The following SETD5 variants were observed in gnomAD, a reference collection of about 807,000 sequenced individuals.
SETD5 encodes SET domain containing 5.
A neutral mutation model predicts 153.3 loss-of-function variants in SETD5; 44 were observed. That is an observed-to-expected ratio of 0.29 (90% CI 0.23 to 0.37). The LOEUF (loss-of-function observed/expected upper bound fraction) is 0.37. SETD5 is among the 10% of genes least tolerant of loss of function. SETD5 has a pLI of 1.00. For synonymous variants in SETD5, 716 were observed against 645.2 expected (o/e 1.11, Z -1.66); for missense variants, 1,544 against 1,768.0 (o/e 0.87, Z 2.27).
At chr3:9,426,758 G>C (rs1445467916) in intron 2 of SETD5, among the ~76,000 whole-genome samples, 16 of 151,690 alleles carry the variant, frequency 1.1e-4, no homozygotes, top group African/African-American at 3.9e-4. Context: ...GGCTGGTCTC[G>C]AACTCCCAAG....
intron 12 of SETD5, 156 bp from the exon 13 acceptor site, chr3:9,445,501 G>C (rs2041830686): frequency 1.2e-6 from 1 of 862,804 alleles, no homozygotes; most frequent in Admixed American, 2.6e-5. Context: ...CCAGAGAATA[G>C]GGGTTAGTTA....
At position 9,441,614 on chromosome 3, in the gene SETD5, C is replaced by T. The variant is rs777014619; in HGVS notation, c.832C>T (p.Arg278Cys). 5.0e-6 allele frequency: 8 copies of T among 1,613,722 alleles called. No homozygotes were observed. The highest frequency in any genetic ancestry group is 2.2e-5 in the East Asian group (1 of 44,884). Reference sequence around the variant, plus strand: ...TCAGTTACAGCTGGGAAGAGTCACTCGTGTTCAAAAGCACCGGAAGATCCT... The same window carrying T: ...TCAGTTACAGCTGGGAAGAGTCACTTGTGTTCAAAAGCACCGGAAGATCCT... ...QMQLQLGRVT[R>C]VQKHRKILRA... Residue 278 changes from arginine (R) to cysteine (C), a missense_variant, in exon 9 of 23, where the codon CGT (arginine) becomes TGT (cysteine). Arg to Cys is a radical substitution (Grantham distance 180). Around this residue, in one of 9 missense-constraint regions of SETD5, gnomAD observed 30 missense variants for 66.0 expected, o/e 0.45. Coordinates refer to ENST00000402198, the MANE Select transcript of SETD5 (RefSeq NM_001080517.3).
intron 8 of SETD5, among the ~76,000 whole-genome samples, chr3:9,441,352 A>ATT (rs375612987): frequency 3.6e-5 from 5 of 138,156 alleles, no homozygotes; most frequent in African/African-American, 8.0e-5. Context: ...TTAATCATGT[A>ATT]TTTTTTTTTT....
intron 1 of SETD5, among the ~76,000 whole-genome samples, chr3:9,401,309 G>C (rs2034735022): frequency 6.6e-6 from 1 of 152,176 alleles, no homozygotes; most frequent in Admixed American, 6.5e-5. Context: ...AATGTTTGTA[G>C]TTTTTTACTC....
chr3:9,431,594 A>G, intron 3 of SETD5: 1 of 985,736 alleles, frequency 1.0e-6, no homozygotes, highest in Non-Finnish European at 1.2e-6. Context: ...ATGAGTTTAA[A>G]TTTTATATTT....
chr3:9,461,009 A>G (rs187448406), intron 17 of SETD5, among the ~76,000 whole-genome samples: 1 of 152,326 alleles, frequency 6.6e-6, no homozygotes. Context: ...ACTTGTAAAT[A>G]AAATTGAAGG....
intron 3 of SETD5, chr3:9,431,426 T>C: frequency 1.0e-6 from 1 of 965,826 alleles, no homozygotes; most frequent in South Asian, 4.8e-5. Context: ...AGAGATGTAA[T>C]TCCATTATTC....
intron 7 of SETD5, among the ~76,000 whole-genome samples, chr3:9,437,828 C>A (rs984702662): frequency 1.3e-5 from 2 of 151,938 alleles, no homozygotes; most frequent in Non-Finnish European, 2.9e-5. Flanking sequence ...CATGGTGAAA[C>A]CCCATCTCTA....
Position 9,433,324 on chromosome 3 carries a change from T to C in SETD5, c.72-521T>C, listed in dbSNP as rs1295380674. 4 of 1,223,834 alleles carry C rather than the reference T, an allele frequency of 3.3e-6. No homozygotes were observed. In the African/African-American group the frequency reaches 6.2e-5, roughly 19 times the overall value. The allele number at this position is 1,223,834 out of a possible 1,614,324, so 75.8% of individuals were successfully genotyped here. A position where few individuals can be genotyped will look rare whatever the true frequency, so the allele number is the denominator to read the frequency against. On this transcript the variant is annotated intron_variant, in intron 3 of 22. Transcript: ENST00000402198. ...GTTGGGGGTTCATCAAGATGAGAGG[T>C]ATGATAAATATAAGATGCCATTGTT...
rs145218854 is a variant in SETD5 at position 9,441,750 on chromosome 3, G to A, written c.959+9G>A. 152 of 1,613,894 alleles carry A rather than the reference G, an allele frequency of 9.4e-5. No individual in the cohort carries two copies. In the African/African-American group the frequency reaches 1.3e-3, roughly 14 times the overall value. On this transcript the variant is annotated intron_variant, in intron 9 of 22. Transcript: ENST00000402198. ...GGGCATTTCTTCAAAAAGTAAGAAC[G>A]TCATTCATTGAGCAGTGAGGGCTAA...
chr3:9,455,325 C>CG (rs370250840), intron 17 of SETD5, among the ~76,000 whole-genome samples: 358 of 151,730 alleles, frequency 2.4e-3, no homozygotes, highest in Non-Finnish European at 3.9e-3. Context: ...AGGCTAGTCT[C>CG]GAACTCCTGA....
At chr3:9,449,919 C>G (rs1285039326) in intron 16 of SETD5, among the ~76,000 whole-genome samples, 2 of 152,160 alleles carry the variant, frequency 1.3e-5, no homozygotes, top group Non-Finnish European at 2.9e-5. Flanking sequence ...CAAGCCAGGT[C>G]GTACAATCTC....
intron 17 of SETD5, among the ~76,000 whole-genome samples, chr3:9,457,616 CA>C (rs1236411052): frequency 6.7e-6 from 1 of 150,284 alleles, no homozygotes; most frequent in African/African-American, 2.4e-5. Context: ...AAATGAATAC[CA>C]ATTTTTTTTG....
Position 9,447,901 on chromosome 3 carries a change from C to G in SETD5, c.1998C>G (p.Asp666Glu), listed in dbSNP as rs1426757762. Reference sequence around the variant, plus strand: ...CTCCTACTGAAGCTGGAAGTCTAGACAGTTCAGGAGAAAACAGGCCATTAA... The same window carrying G: ...CTCCTACTGAAGCTGGAAGTCTAGAGAGTTCAGGAGAAAACAGGCCATTAA... ...LVTPTEAGSL[D>E]SSGENRPLTG... The change falls in exon 15 of 23, where the codon GAC (aspartate) becomes GAG (glutamate). Residue 666 changes from aspartate (D) to glutamate (E), a missense_variant. This residue lies in a region of SETD5 where 782 missense variants were observed against 787.2 expected (regional missense o/e 0.99). Transcript: ENST00000402198. 6.2e-7 allele frequency: 1 copy of G among 1,613,988 alleles called. No homozygotes were observed. Among genetic ancestry groups the G allele is most frequent in the Admixed American group, 1.7e-5 (1 of 60,026 alleles).
At position 9,405,438 on chromosome 3, in the gene SETD5, A is replaced by C. The variant is rs1205317050; in HGVS notation, c.-177+7461A>C. On this transcript the variant is annotated intron_variant, in intron 1 of 22. Coordinates refer to ENST00000402198, the MANE Select transcript of SETD5 (RefSeq NM_001080517.3). Reference sequence around the variant, plus strand: ...TTAGCTCTTTGAACATAAATTTTTCATGTCTTAGAGTTCTTTTTTCAAGCT... The same window carrying C: ...TTAGCTCTTTGAACATAAATTTTTCCTGTCTTAGAGTTCTTTTTTCAAGCT... Among the ~76,000 whole-genome samples, 2 of 152,168 alleles carry C rather than the reference A, an allele frequency of 1.3e-5. 1 individual carries two copies. Among genetic ancestry groups the C allele is most frequent in the Non-Finnish European group, 2.9e-5 (2 of 68,010 alleles).
chr3:9,401,964 A>G (rs1026908166), intron 1 of SETD5, among the ~76,000 whole-genome samples: 1 of 152,264 alleles, frequency 6.6e-6, no homozygotes, highest in Non-Finnish European at 1.5e-5. Context: ...GGCACTCTTT[A>G]GAAAGTAATG....
chr3:9,445,310 C>T lies in SETD5; in HGVS notation c.1440+10C>T, dbSNP rs1489364812. 3 of 1,597,104 alleles carry T rather than the reference C, an allele frequency of 1.9e-6. No individual in the cohort carries two copies. The Admixed American group carries it at 5.2e-5, about 28-fold the overall frequency. On this transcript the variant is annotated intron_variant, in intron 12 of 22. Coordinates refer to ENST00000402198, the MANE Select transcript of SETD5 (RefSeq NM_001080517.3). ...ATCCAGTGATCATGAGGTAATCGCC[C>T]CTGGTCAAATGATGATGCTATGGCA... is the stretch of plus-strand genomic sequence containing the variant.
chr3:9,437,522 CGTGTGTGTGT>C (rs6147703), intron 7 of SETD5, among the ~76,000 whole-genome samples: 3 of 145,122 alleles, frequency 2.1e-5, no homozygotes, highest in South Asian at 2.2e-4. Flanking sequence ...TCCTCCTTTA[CGTGTGTGTGT>C]GTGTGTGTGT....
At chr3:9,433,799 A>G (rs1326179257) in intron 3 of SETD5, 46 bp from the exon 4 acceptor site, 1 of 1,567,476 alleles carries the variant, frequency 6.4e-7, no homozygotes, top group African/African-American at 1.4e-5. Flanking sequence ...GTTTAAGGGA[A>G]GATTAGGTGT....
Sources: gnomAD v4.1 joint callset for allele counts (sites outside exome capture counted in the v4.1 genomes callset) on GRCh38, gnomAD v4.1.1 for gene constraint, gnomAD v4.1.1 regional missense constraint, MANE v1.5 for transcripts, NCBI Gene and HGNC (gene_info 2026-07-23, HGNC 2026-07-21) for gene names.